Variants in PLGRKT observed in about 807,000 individuals in gnomAD.
PLGRKT encodes plasminogen receptor with a C-terminal lysine.
Under a neutral mutation model 18.5 loss-of-function variants are expected in PLGRKT, and 22 were observed. That is an observed-to-expected ratio of 1.19 (90% CI 0.85 to 1.70). The LOEUF is 1.70. PLGRKT is among the 40% of genes most tolerant of loss of function. PLGRKT has a pLI of 0.00. For synonymous variants in PLGRKT, 72 were observed against 52.8 expected (o/e 1.36, Z -1.58); for missense variants, 235 against 174.4 (o/e 1.35, Z -1.96).
At chr9:5,433,805 C>A (rs1429872422) in intron 2 of PLGRKT, among the ~76,000 whole-genome samples, 2 of 134,736 alleles carry the variant, frequency 1.5e-5, no homozygotes, top group African/African-American at 2.9e-5. Flanking sequence ...GCTGCCCCGT[C>A]TGGGAAGTGA....
At position 5,368,909 on chromosome 9, in the gene PLGRKT, G is replaced by A. The variant is rs557502753; in HGVS notation, c.82-7021C>T. On this transcript the variant is annotated intron_variant, in intron 3 of 5. Coordinates refer to ENST00000223864, the MANE Select transcript of PLGRKT (RefSeq NM_018465.4). ...TGGGAAAACTGGCTAGCCATATGCA[G>A]AAAACTGAAACTGGACCCCTTCCTT... Among the ~76,000 whole-genome samples, 457 of 152,228 alleles carry A rather than the reference G, an allele frequency of 3.0e-3. 4 individuals are homozygous for A. The highest frequency in any genetic ancestry group is 0.011 in the African/African-American group (438 of 41,534).
chr9:5,379,901 G>A (rs1817704723), intron 3 of PLGRKT, among the ~76,000 whole-genome samples: 1 of 152,130 alleles, frequency 6.6e-6, no homozygotes, highest in Admixed American at 6.6e-5. Context: ...TCATGTCCGG[G>A]AAGTTACCTA....
chr9:5,397,171 T>C (rs907746567), intron 3 of PLGRKT, among the ~76,000 whole-genome samples: 2 of 151,960 alleles, frequency 1.3e-5, no homozygotes, highest in Non-Finnish European at 2.9e-5. Flanking sequence ...CAACAGATTG[T>C]AGGCTACTCG....
At chr9:5,389,436 T>C (rs1156922994) in intron 3 of PLGRKT, among the ~76,000 whole-genome samples, 1 of 151,852 alleles carries the variant, frequency 6.6e-6, no homozygotes, top group Non-Finnish European at 1.5e-5. Context: ...ACGGTCTAGC[T>C]GATAGTGCCA....
intron 3 of PLGRKT, among the ~76,000 whole-genome samples, chr9:5,376,468 T>C (rs1233877782): frequency 1.3e-5 from 2 of 152,174 alleles, no homozygotes; most frequent in Non-Finnish European, 1.5e-5. Flanking sequence ...TGAGGTTGTT[T>C]TGAGACTTCA....
intron 3 of PLGRKT, among the ~76,000 whole-genome samples, chr9:5,412,573 G>C (rs964021017): frequency 1.3e-5 from 2 of 152,166 alleles, no homozygotes; most frequent in African/African-American, 4.8e-5. Flanking sequence ...GAAGGAAGGA[G>C]ACTTCCCAGC....
intron 3 of PLGRKT, among the ~76,000 whole-genome samples, chr9:5,380,768 T>A (rs1204774546): frequency 6.6e-6 from 1 of 152,234 alleles, no homozygotes; most frequent in Non-Finnish European, 1.5e-5. Flanking sequence ...TTGCACATAA[T>A]AGATACAAAA....
At chr9:5,426,423 A>T (rs1818702887) in intron 3 of PLGRKT, among the ~76,000 whole-genome samples, 1 of 152,236 alleles carries the variant, frequency 6.6e-6, no homozygotes, top group Non-Finnish European at 1.5e-5. Context: ...ACATTCAAGG[A>T]ACAAACCAAT....
intron 3 of PLGRKT, among the ~76,000 whole-genome samples, chr9:5,376,891 G>C (rs894737953): frequency 1.3e-5 from 2 of 152,146 alleles, no homozygotes; most frequent in African/African-American, 4.8e-5. Flanking sequence ...CAGGTGGCTG[G>C]GGACAGGGGT....
chr9:5,371,918 C>G (rs926160411), intron 3 of PLGRKT, among the ~76,000 whole-genome samples: 2 of 150,066 alleles, frequency 1.3e-5, no homozygotes, highest in African/African-American at 4.9e-5. Flanking sequence ...GTATTATACT[C>G]TATAATAATT....
intron 3 of PLGRKT, among the ~76,000 whole-genome samples, chr9:5,411,328 C>T (rs1263791303): frequency 6.8e-6 from 1 of 147,604 alleles, no homozygotes; most frequent in Non-Finnish European, 1.5e-5. Flanking sequence ...GAGGTTGCAG[C>T]GAGCCAAGGT....
chr9:5,418,277 G>A lies in PLGRKT; in HGVS notation c.81+13620C>T, dbSNP rs763067683. On this transcript the variant is annotated intron_variant, in intron 3 of 5. Transcript: ENST00000223864. This position sits in a 1 kb window ranked among gnomAD's most constrained non-coding sequence, Gnocchi z 4.2. ...GCCAGCTCTCAGCACCAAATGGTCA[G>A]TGTCGCCCCCTCATCTTCTCACTGG... 398 of 474,164 alleles carry A rather than the reference G, an allele frequency of 8.4e-4. No individual in the cohort carries two copies. Among genetic ancestry groups the A allele is most frequent in the Non-Finnish European group, 1.4e-3 (358 of 248,028 alleles). 29.4% of individuals were successfully genotyped at this position (474,164 alleles called of 1,614,324 possible).
At chr9:5,370,978 T>C (rs549335322) in intron 3 of PLGRKT, among the ~76,000 whole-genome samples, 3 of 152,196 alleles carry the variant, frequency 2.0e-5, no homozygotes, top group Non-Finnish European at 4.4e-5. Flanking sequence ...CTTATAAAAA[T>C]AATTGAATAC....
At position 5,416,966 on chromosome 9, in the gene PLGRKT, A is replaced by G. The variant is rs148083120; in HGVS notation, c.81+14931T>C. On this transcript the variant is annotated intron_variant, in intron 3 of 5. Transcript: ENST00000223864. ...TCCCCAAGTGACTGCAGACATATTA[A>G]TATCTGCCCTACATTTTAAGAGACT... Among the ~76,000 whole-genome samples the G allele has an allele frequency of 5.9e-5, 9 of 152,376 alleles. No individual in the cohort carries two copies. The East Asian group carries it at 1.7e-3, about 29-fold the overall frequency.
chr9:5,373,634 T>C (rs1035880449), intron 3 of PLGRKT, among the ~76,000 whole-genome samples: 8 of 151,962 alleles, frequency 5.3e-5, no homozygotes, highest in African/African-American at 1.9e-4. Context: ...ACTCTGTCTC[T>C]AGGAAAAATA....
intron 2 of PLGRKT, among the ~76,000 whole-genome samples, chr9:5,435,765 T>C (rs559698382): frequency 1.3e-5 from 2 of 152,362 alleles, no homozygotes; most frequent in Admixed American, 1.3e-4. Flanking sequence ...ATGTTGCTGA[T>C]ACCTTTTCTC....
At chr9:5,435,568 G>A (rs979494347) in intron 2 of PLGRKT, among the ~76,000 whole-genome samples, 2 of 152,204 alleles carry the variant, frequency 1.3e-5, no homozygotes, top group African/African-American at 4.8e-5. Flanking sequence ...GTACTTTTTA[G>A]ATGAATGCAC....
rs776274382 is a variant in PLGRKT at position 5,391,143 on chromosome 9, T to C, written c.82-29255A>G. ...AACTTGACTTAAATGGTTAAATGCATGTGTGTGCATAAAGCATCATTAACT... is the reference window on the plus strand; with the variant it reads ...AACTTGACTTAAATGGTTAAATGCACGTGTGTGCATAAAGCATCATTAACT... On this transcript the variant is annotated intron_variant, in intron 3 of 5. Coordinates refer to ENST00000223864, the MANE Select transcript of PLGRKT (RefSeq NM_018465.4). Among the ~76,000 whole-genome samples, 5 of 152,076 alleles carry C rather than the reference T, an allele frequency of 3.3e-5. No homozygotes were observed. The South Asian group carries it at 6.2e-4, about 19-fold the overall frequency.
intron 3 of PLGRKT, among the ~76,000 whole-genome samples, chr9:5,419,663 A>T (rs936250154): frequency 6.6e-6 from 1 of 152,146 alleles, no homozygotes; most frequent in Non-Finnish European, 1.5e-5. Flanking sequence ...CCAGAATGAG[A>T]TATATTTCAA....
Sources: allele counts gnomAD v4.1 joint callset (sites outside exome capture counted in the v4.1 genomes callset), GRCh38; gene constraint gnomAD v4.1.1; non-coding constraint Gnocchi (gnomAD v3.1); transcripts MANE v1.5; gene names NCBI Gene and HGNC (gene_info 2026-07-23, HGNC 2026-07-21).